Variants in LMF1 observed in about 807,000 individuals in gnomAD.
The protein encoded by LMF1 is lipase maturation factor 1, also known as transmembrane protein 112.
A neutral mutation model predicts 60.6 loss-of-function variants in LMF1; 68 were observed. That is an observed-to-expected ratio of 1.12 (90% CI 0.92 to 1.37). The LOEUF is 1.37. LMF1 is among the 40% of genes most tolerant of loss of function. The probability of loss-of-function intolerance (pLI) is 0.00; values close to 1 mark genes in which losing one functional copy is unlikely to be tolerated. For missense variants in LMF1, 948 were observed against 767.2 expected (o/e 1.24, Z -2.78); for synonymous variants, 418 against 324.7 (o/e 1.29, Z -3.09).
intron 6 of LMF1, among the ~76,000 whole-genome samples, chr16:877,775 G>A (rs2070035275): frequency 6.6e-6 from 1 of 151,768 alleles, no homozygotes; most frequent in South Asian, 2.1e-4. Flanking sequence ...AGAACCGGCA[G>A]AATCCCTAGA....
At chr16:948,262 A>C (rs1194402343) in intron 2 of LMF1, among the ~76,000 whole-genome samples, 1 of 151,736 alleles carries the variant, frequency 6.6e-6, no homozygotes, top group Non-Finnish European at 1.5e-5. Flanking sequence ...AGAGTCAGCC[A>C]ACGACAGAGT....
At chr16:892,251 G>A (rs1791860394) in intron 5 of LMF1, among the ~76,000 whole-genome samples, 1 of 152,242 alleles carries the variant, frequency 6.6e-6, no homozygotes, top group Non-Finnish European at 1.5e-5. Flanking sequence ...TCCGCGTGCA[G>A]GTGCGAGTGA....
chr16:913,712 G>A (rs2071187917), intron 3 of LMF1, among the ~76,000 whole-genome samples: 1 of 152,234 alleles, frequency 6.6e-6, no homozygotes, highest in Admixed American at 6.5e-5. Context: ...GCGTCTCGGG[G>A]CATCAGAAAA....
intron 1 of LMF1, chr16:979,674 C>G: frequency 2.2e-6 from 1 of 454,138 alleles, no homozygotes; most frequent in Non-Finnish European, 4.4e-6. Context: ...GCTCGCAGAC[C>G]TAATGCAACT....
chr16:870,914 C>G (rs763968686), intron 7 of LMF1, 32 bp from the exon 8 acceptor site: 14 of 1,574,724 alleles, frequency 8.9e-6, no homozygotes, highest in Non-Finnish European at 1.2e-5. Flanking sequence ...CCAGGTGGGG[C>G]TCCCAGCTGC....
At chr16:876,413 G>A (rs748898884) in intron 6 of LMF1, among the ~76,000 whole-genome samples, 4 of 152,194 alleles carry the variant, frequency 2.6e-5, no homozygotes, top group Non-Finnish European at 4.4e-5. Flanking sequence ...GTTTGTCGGA[G>A]CTCACAGAAT....
At chr16:892,260 G>A (rs1390186054) in intron 5 of LMF1, among the ~76,000 whole-genome samples, 1 of 152,240 alleles carries the variant, frequency 6.6e-6, no homozygotes, top group Non-Finnish European at 1.5e-5. Context: ...AGGTGCGAGT[G>A]ACGGGCCAAA....
chr16:893,694 A>G (rs1171056481), intron 4 of LMF1, among the ~76,000 whole-genome samples: 2 of 152,098 alleles, frequency 1.3e-5, no homozygotes, highest in African/African-American at 4.8e-5. Flanking sequence ...TTGGTTCTGC[A>G]GTGCCAGGGC....
chr16:923,314 C>T (rs888843202), intron 3 of LMF1, among the ~76,000 whole-genome samples: 1 of 152,154 alleles, frequency 6.6e-6, no homozygotes, highest in African/African-American at 2.4e-5. Context: ...CCCCAGCTGT[C>T]CACAGTTCAT....
chr16:940,248 T>C (rs554042012), intron 2 of LMF1, among the ~76,000 whole-genome samples: 1 of 152,112 alleles, frequency 6.6e-6, no homozygotes, highest in East Asian at 1.9e-4. Context: ...TCAAGAACTG[T>C]GGAAGAGTAA....
chr16:907,477 C>T (rs1012695343), intron 4 of LMF1, among the ~76,000 whole-genome samples: 13 of 152,102 alleles, frequency 8.5e-5, no homozygotes, highest in Non-Finnish European at 1.6e-4. Context: ...CCAGCTCCGG[C>T]GGGCACAGAG....
At chr16:893,328 C>T (rs1011554042) in intron 4 of LMF1, 5 of 596,114 alleles carry the variant, frequency 8.4e-6, no homozygotes, top group Middle Eastern at 2.6e-4. Context: ...TTTGCGCCTT[C>T]CCCAACACTC....
At chr16:889,484 C>T (rs531541850) in intron 5 of LMF1, among the ~76,000 whole-genome samples, 83 of 152,042 alleles carry the variant, frequency 5.5e-4, no homozygotes, top group African/African-American at 2.0e-3. Flanking sequence ...GGGAGGAGTC[C>T]CGAGGGAGGC....
At chr16:924,419 T>A (rs1321527108) in intron 3 of LMF1, among the ~76,000 whole-genome samples, 2 of 152,192 alleles carry the variant, frequency 1.3e-5, no homozygotes, top group African/African-American at 2.4e-5. Context: ...CATTTTTTTT[T>A]AATAATTAAA....
chr16:916,228 T>C (rs1346677911), intron 3 of LMF1, among the ~76,000 whole-genome samples: 1 of 152,206 alleles, frequency 6.6e-6, no homozygotes, highest in Non-Finnish European at 1.5e-5. Flanking sequence ...AGTCATTAAA[T>C]ATAGCACAGA....
chr16:930,441 G>C (rs529563211), intron 3 of LMF1, among the ~76,000 whole-genome samples: 1 of 152,352 alleles, frequency 6.6e-6, no homozygotes, highest in African/African-American at 2.4e-5. Flanking sequence ...TGCGCCTGTA[G>C]TCCCAGCTAA....
At chr16:875,953 C>T (rs753426635) in intron 6 of LMF1, among the ~76,000 whole-genome samples, 72 of 152,186 alleles carry the variant, frequency 4.7e-4, no homozygotes, top group Non-Finnish European at 1.8e-4. Context: ...TGTGGCCCCA[C>T]CCAGGTCAGG....
rs1446306160 is a variant in LMF1 at position 888,310 on chromosome 16, CAG to C, written c.729+4695_729+4696del. Reference sequence around the variant, plus strand: ...TGGAAGGAGCGCCGTGGGACTGAATCAGAGTGTTGGATTTCCCGCAGCTTTCT... The same window carrying C: ...TGGAAGGAGCGCCGTGGGACTGAATCAGTGTTGGATTTCCCGCAGCTTTCT... On this transcript the variant is annotated intron_variant, in intron 5 of 10. Transcript: ENST00000262301. Among the ~76,000 whole-genome samples the C allele has an allele frequency of 1.4e-4, 22 of 152,350 alleles. 1 individual carries two copies. The highest frequency in any genetic ancestry group is 4.8e-4 in the African/African-American group (20 of 41,578).
chr16:974,922 G>A (rs976259635), upstream of LMF1, among the ~76,000 whole-genome samples: 10 of 152,208 alleles, frequency 6.6e-5, no homozygotes, highest in African/African-American at 1.9e-4. Context: ...GGGTATGGAA[G>A]GGGGGCCCAG....
Sources: gnomAD v4.1 joint callset for allele counts (sites outside exome capture counted in the v4.1 genomes callset) on GRCh38, gnomAD v4.1.1 for gene constraint, MANE v1.5 for transcripts, NCBI Gene and HGNC (gene_info 2026-07-23, HGNC 2026-07-21) for gene names.